Variants in TRAPPC9 observed in about 807,000 individuals in gnomAD.
TRAPPC9 encodes trafficking protein particle complex subunit 9.
TRAPPC9 carries 83 observed loss-of-function variants against 124.0 expected under a neutral mutation model. That is an observed-to-expected ratio of 0.67 (90% CI 0.56 to 0.80). The LOEUF (loss-of-function observed/expected upper bound fraction) is 0.80. Among genes scored for constraint, TRAPPC9 ranks in the 30% least tolerant of loss-of-function variants. TRAPPC9 has a pLI of 0.00. For missense variants in TRAPPC9, 1,302 were observed against 1,508.3 expected (o/e 0.86, Z 2.27); for synonymous variants, 638 against 617.5 (o/e 1.03, Z -0.49).
chr8:139,994,291 C>A (rs1306388588), intron 18 of TRAPPC9, among the ~76,000 whole-genome samples: 1 of 152,244 alleles, frequency 6.6e-6, no homozygotes, highest in Non-Finnish European at 1.5e-5. Context: ...CAATCATCGT[C>A]CTTCTGTGGA....
intron 11 of TRAPPC9, among the ~76,000 whole-genome samples, chr8:140,294,887 C>T (rs1452574748): frequency 6.6e-6 from 1 of 152,188 alleles, no homozygotes; most frequent in Non-Finnish European, 1.5e-5. Flanking sequence ...ACTAGAATTA[C>T]AGGCGTGAGC....
chr8:139,751,000 C>T (rs1490666330), intron 21 of TRAPPC9, among the ~76,000 whole-genome samples: 1 of 152,224 alleles, frequency 6.6e-6, no homozygotes, highest in African/African-American at 2.4e-5. Flanking sequence ...GGGCTGCAGA[C>T]AGCCAAGCAC....
At chr8:140,028,985 T>A (rs1327747214) in intron 17 of TRAPPC9, among the ~76,000 whole-genome samples, 1 of 152,066 alleles carries the variant, frequency 6.6e-6, no homozygotes, top group African/African-American at 2.4e-5. Flanking sequence ...TCTAAGTTGA[T>A]CAAGGAAAAA....
chr8:140,310,842 TGGGCGA>T (rs2066277144), intron 10 of TRAPPC9, among the ~76,000 whole-genome samples: 2 of 151,996 alleles, frequency 1.3e-5, no homozygotes, highest in South Asian at 4.2e-4. Context: ...AGTGCTTGTG[TGGGCGA>T]GGAGCTGCCC....
intron 19 of TRAPPC9, among the ~76,000 whole-genome samples, chr8:139,921,079 T>A (rs1420637863): frequency 1.3e-5 from 2 of 152,158 alleles, no homozygotes; most frequent in East Asian, 3.9e-4. Flanking sequence ...CCCATCACAC[T>A]CATGTAATTT....
intron 21 of TRAPPC9, among the ~76,000 whole-genome samples, chr8:139,781,870 A>G (rs939941323): frequency 6.6e-6 from 1 of 152,230 alleles, no homozygotes; most frequent in African/African-American, 2.4e-5. Flanking sequence ...ACAAGTCAGG[A>G]AAAGAGAAAA....
chr8:139,885,282 G>A (rs1829929989), intron 21 of TRAPPC9, among the ~76,000 whole-genome samples: 1 of 152,172 alleles, frequency 6.6e-6, no homozygotes, highest in African/African-American at 2.4e-5. Context: ...GTTCCCAGGT[G>A]CAACAAGAAG....
Position 140,133,239 on chromosome 8 carries a change from C to T in TRAPPC9, c.2556+88220G>A, listed in dbSNP as rs113459010. Among the ~76,000 whole-genome samples the T allele has an allele frequency of 2.8e-3, 430 of 152,204 alleles. 1 individual carries two copies. Among genetic ancestry groups the T allele is most frequent in the Non-Finnish European group, 3.7e-3 (255 of 68,012 alleles). ...GACCAAGGGGGATTTATTCCTAGAA[C>T]GTAAGGATAGTTCAACATTTTTTAA... On this transcript the variant is annotated intron_variant, in intron 17 of 22. Coordinates refer to ENST00000438773, the MANE Select transcript of TRAPPC9 (RefSeq NM_001160372.4).
At chr8:140,207,570 AC>A (rs2062956613) in intron 17 of TRAPPC9, among the ~76,000 whole-genome samples, 1 of 152,166 alleles carries the variant, frequency 6.6e-6, no homozygotes, top group Non-Finnish European at 1.5e-5. Context: ...TGCTGAACGC[AC>A]TGGTGGCGGC....
chr8:140,079,888 C>T (rs1235247732), intron 17 of TRAPPC9, among the ~76,000 whole-genome samples: 1 of 152,016 alleles, frequency 6.6e-6, no homozygotes, highest in Non-Finnish European at 1.5e-5. Context: ...CAAGATTGCA[C>T]CACTGCACTC....
intron 19 of TRAPPC9, among the ~76,000 whole-genome samples, chr8:139,920,899 C>G (rs983637900): frequency 2.0e-5 from 3 of 152,190 alleles, no homozygotes; most frequent in African/African-American, 7.2e-5. Context: ...TGGCTGAACT[C>G]GAGGAGAGAG....
intron 17 of TRAPPC9, among the ~76,000 whole-genome samples, chr8:140,048,231 T>A (rs1457154884): frequency 6.6e-6 from 1 of 152,184 alleles, no homozygotes; most frequent in Admixed American, 6.5e-5. Flanking sequence ...CACAAGGCTG[T>A]TGTAAGGACA....
At chr8:140,285,326 T>G (rs533102021) in intron 13 of TRAPPC9, among the ~76,000 whole-genome samples, 2 of 152,320 alleles carry the variant, frequency 1.3e-5, no homozygotes, top group South Asian at 4.1e-4. Context: ...TATGCTCCAC[T>G]GCCAGGCCAC....
At chr8:140,324,915 T>C (rs1393484156) in intron 9 of TRAPPC9, among the ~76,000 whole-genome samples, 1 of 152,046 alleles carries the variant, frequency 6.6e-6, no homozygotes, top group Non-Finnish European at 1.5e-5. Flanking sequence ...TAAGTTCCTT[T>C]CAAGTACTCA....
At chr8:140,115,433 AT>A (rs2060861425) in intron 17 of TRAPPC9, among the ~76,000 whole-genome samples, 1 of 151,724 alleles carries the variant, frequency 6.6e-6, no homozygotes, top group Non-Finnish European at 1.5e-5. Context: ...CACCTGGCGA[AT>A]TTTTTTGTAT....
At chr8:140,272,117 A>ATGATGG (rs1366421235) in intron 15 of TRAPPC9, among the ~76,000 whole-genome samples, 1 of 48,728 alleles carries the variant, frequency 2.1e-5, no homozygotes. Flanking sequence ...GGTGGTGGCA[A>ATGATGG]TGGTGATGGT....
At chr8:140,419,434 A>AC (rs1424158316) in intron 5 of TRAPPC9, among the ~76,000 whole-genome samples, 1 of 136,180 alleles carries the variant, frequency 7.3e-6, no homozygotes, top group African/African-American at 3.2e-5. Context: ...GTCTCAAAAA[A>AC]AAAAAAAAAA....
chr8:139,737,470 C>A (rs1020034262), intron 21 of TRAPPC9, among the ~76,000 whole-genome samples: 1 of 113,470 alleles, frequency 8.8e-6, no homozygotes, highest in South Asian at 4.0e-4. Context: ...CAGCCCTCCC[C>A]CCCCCCCCAC....
chr8:140,024,119 A>G, intron 17 of TRAPPC9, 40 bp from the exon 18 acceptor site: 1 of 1,602,916 alleles, frequency 6.2e-7, no homozygotes, highest in Admixed American at 1.7e-5. Context: ...CACACACATT[A>G]GTAACTCTCT....
Sources: gnomAD v4.1 joint callset for allele counts (sites outside exome capture counted in the v4.1 genomes callset) on GRCh38, gnomAD v4.1.1 for gene constraint, MANE v1.5 for transcripts, NCBI Gene and HGNC (gene_info 2026-07-23, HGNC 2026-07-21) for gene names.